HHAT: variants seen among roughly 807,000 people sequenced by gnomAD.
HHAT encodes the protein hedgehog acyltransferase.
A neutral mutation model predicts 70.8 loss-of-function variants in HHAT; 47 were observed. That is an observed-to-expected ratio of 0.66 (90% CI 0.53 to 0.85). The LOEUF is 0.85. HHAT is among the 40% of genes least tolerant of loss of function. The pLI is 0.00. For synonymous variants in HHAT, 228 were observed against 247.6 expected (o/e 0.92, Z 0.74); for missense variants, 609 against 604.8 (o/e 1.01, Z -0.07).
intron 3 of HHAT, among the ~76,000 whole-genome samples, chr1:210,371,237 T>C (rs1467142987): frequency 6.6e-6 from 1 of 152,118 alleles, no homozygotes; most frequent in Non-Finnish European, 1.5e-5. Context: ...CTGTAACCTC[T>C]GCCTCCCAAG....
At position 210,400,583 on chromosome 1, in the gene HHAT, T is replaced by G. The variant is rs781566798; in HGVS notation, c.389T>G (p.Phe130Cys). The part of the protein sequence containing the change: ...HTTISFCVAQ[F>C]RSQLLTWLCS... ...ACCATCTCTTTCTGCGTGGCCCAGT[T>G]CCGGTCTCAGCTCCTGACGTGGCTC... Residue 130 changes from phenylalanine to cysteine, a missense_variant, in exon 5 of 12, where the codon TTC (phenylalanine) becomes TGC (cysteine). Coordinates refer to ENST00000261458, the MANE Select transcript of HHAT (RefSeq NM_018194.6). The G allele has an allele frequency of 1.4e-5, 22 of 1,614,084 alleles. No individual in the cohort carries two copies. The highest frequency in any genetic ancestry group is 1.9e-5 in the Non-Finnish European group (22 of 1,180,042).
intron 8 of HHAT, among the ~76,000 whole-genome samples, chr1:210,483,277 T>C (rs2148491770): frequency 1.3e-5 from 2 of 152,300 alleles, no homozygotes; most frequent in Admixed American, 6.5e-5. Flanking sequence ...ATCATAGTAG[T>C]GATTTGCAAG....
chr1:210,656,318 G>A (rs1287794463), intron 11 of HHAT, among the ~76,000 whole-genome samples: 1 of 151,956 alleles, frequency 6.6e-6, no homozygotes, highest in Admixed American at 6.5e-5. Context: ...AGTGTCACTT[G>A]TACGGCATGG....
chr1:210,377,844 C>G (rs7519881), intron 3 of HHAT, among the ~76,000 whole-genome samples: 8,302 of 152,268 alleles, frequency 0.055, 265 homozygotes, highest in South Asian at 0.085. Flanking sequence ...GCAGCCTGTG[C>G]CTGTCCTGTT....
chr1:210,371,240 C>T (rs1286563148), intron 3 of HHAT, among the ~76,000 whole-genome samples: 1 of 152,144 alleles, frequency 6.6e-6, no homozygotes, highest in African/African-American at 2.4e-5. Flanking sequence ...TAACCTCTGC[C>T]TCCCAAGTTC....
At chr1:210,429,711 C>T (rs1041647536) in intron 7 of HHAT, among the ~76,000 whole-genome samples, 1 of 151,724 alleles carries the variant, frequency 6.6e-6, no homozygotes, top group Non-Finnish European at 1.5e-5. Context: ...AAATCACTTG[C>T]GTATGGTGGT....
chr1:210,538,903 C>T (rs888701193), intron 9 of HHAT, among the ~76,000 whole-genome samples: 2 of 152,116 alleles, frequency 1.3e-5, no homozygotes, highest in African/African-American at 4.8e-5. Context: ...ATGGTGAAAC[C>T]CCGTCTCTAC....
At position 210,524,143 on chromosome 1, in the gene HHAT, C is replaced by G. The variant is rs370990524; in HGVS notation, c.1043+10955C>G. Among the ~76,000 whole-genome samples the G allele has an allele frequency of 1.2e-4, 18 of 152,318 alleles. No homozygotes were observed. The East Asian group carries it at 2.7e-3, about 23-fold the overall frequency. ...TATAAAGTTTCAGGTAGGCAAGATGCATAAGCTCTGGAGATCCACTGTACA... is the reference window on the plus strand; with the variant it reads ...TATAAAGTTTCAGGTAGGCAAGATGGATAAGCTCTGGAGATCCACTGTACA... On this transcript the variant is annotated intron_variant, in intron 9 of 11. Transcript: ENST00000261458.
At chr1:210,341,244 G>A (rs1444468350) in intron 1 of HHAT, among the ~76,000 whole-genome samples, 4 of 152,136 alleles carry the variant, frequency 2.6e-5, no homozygotes, top group Non-Finnish European at 5.9e-5. Context: ...AAGTTCTCTG[G>A]TGCATGTGAG....
At chr1:210,573,806 G>A (rs1332344909) in intron 9 of HHAT, among the ~76,000 whole-genome samples, 2 of 152,108 alleles carry the variant, frequency 1.3e-5, no homozygotes, top group African/African-American at 2.4e-5. Context: ...AGAACACAGT[G>A]GCAGCAGACA....
chr1:210,606,533 A>G (rs755627445), intron 10 of HHAT, among the ~76,000 whole-genome samples: 2 of 152,096 alleles, frequency 1.3e-5, no homozygotes, highest in Admixed American at 6.6e-5. Context: ...TCTCTCTTGA[A>G]GCCCTTCCAT....
At chr1:210,366,861 A>G (rs72745429) in intron 3 of HHAT, among the ~76,000 whole-genome samples, 17,981 of 152,178 alleles carry the variant, frequency 0.12, 1,153 homozygotes, top group Non-Finnish European at 0.15. Flanking sequence ...ACTTCAGATC[A>G]TAGCTGGCTC....
chr1:210,393,265 G>A (rs2091570524), intron 4 of HHAT, among the ~76,000 whole-genome samples: 1 of 152,174 alleles, frequency 6.6e-6, no homozygotes, highest in Non-Finnish European at 1.5e-5. Context: ...GCTCCTGGGA[G>A]CAGTTTATGG....
Position 210,547,068 on chromosome 1 carries a change from G to A in HHAT, c.1043+33880G>A, listed in dbSNP as rs150765046. ...GGTTAGGCCGGGCATGGTGGCTCACGCCTGTAATCCCAGCACTTTGGGAGG... is the reference window on the plus strand; with the variant it reads ...GGTTAGGCCGGGCATGGTGGCTCACACCTGTAATCCCAGCACTTTGGGAGG... On this transcript the variant is annotated intron_variant, in intron 9 of 11. Transcript: ENST00000261458. Among the ~76,000 whole-genome samples the A allele has an allele frequency of 8.7e-4, 132 of 151,718 alleles. 2 individuals are homozygous for A. In the East Asian group the frequency reaches 0.017, roughly 20 times the overall value.
intron 7 of HHAT, among the ~76,000 whole-genome samples, chr1:210,461,985 A>G (rs925687411): frequency 3.9e-5 from 6 of 152,214 alleles, no homozygotes; most frequent in African/African-American, 1.4e-4. Context: ...TCTATGCAAA[A>G]TCAATCTTTT....
At chr1:210,378,955 T>C (rs1391233030) in intron 3 of HHAT, among the ~76,000 whole-genome samples, 7 of 152,258 alleles carry the variant, frequency 4.6e-5, no homozygotes, top group East Asian at 1.9e-4. Flanking sequence ...CATGGTTCCA[T>C]TGCAGACAGC....
intron 5 of HHAT, among the ~76,000 whole-genome samples, chr1:210,402,788 TATTC>T (rs755285282): frequency 2.0e-5 from 3 of 152,244 alleles, no homozygotes; most frequent in Non-Finnish European, 2.9e-5. Context: ...GGTATCTTTT[TATTC>T]ATTCATTCAG....
intron 8 of HHAT, among the ~76,000 whole-genome samples, chr1:210,480,370 C>T (rs559146448): frequency 2.0e-5 from 3 of 152,110 alleles, no homozygotes; most frequent in Non-Finnish European, 2.9e-5. Context: ...CAGACCTCGG[C>T]GATGACATTG....
Position 210,404,781 on chromosome 1 carries a change from C to T in HHAT, c.684+102C>T, listed in dbSNP as rs1323835776. Reference sequence around the variant, plus strand: ...TTGAGTCGTTTTGTTCAGAGGTGCCCACAGATTTACAACACATACTATTAG... The same window carrying T: ...TTGAGTCGTTTTGTTCAGAGGTGCCTACAGATTTACAACACATACTATTAG... On this transcript the variant is annotated intron_variant, in intron 6 of 11. Transcript: ENST00000261458. The T allele has an allele frequency of 9.9e-6, 8 of 804,684 alleles. No homozygotes were observed. The African/African-American group carries it at 1.0e-4, about 10-fold the overall frequency. The allele number at this position is 804,684 out of a possible 1,614,324, so 49.8% of individuals were successfully genotyped here.
Sources: gnomAD v4.1 joint callset for allele counts (sites outside exome capture counted in the v4.1 genomes callset) on GRCh38, gnomAD v4.1.1 for gene constraint, MANE v1.5 for transcripts, NCBI Gene and HGNC (gene_info 2026-07-23, HGNC 2026-07-21) for gene names.